The following RPP38 variants were observed in gnomAD, a reference collection of about 807,000 sequenced individuals.
RPP38 encodes the protein ribonuclease P/MRP subunit p38.
Under a neutral mutation model 1.7 loss-of-function variants are expected in RPP38, and 2 were observed. That is an observed-to-expected ratio of 1.18 (90% CI 0.48 to 3.70). RPP38 has a LOEUF of 3.70. RPP38 is among the 30% of genes most tolerant of loss of function. The pLI is 0.07. For synonymous variants in RPP38, 151 were observed against 131.8 expected (o/e 1.15, Z -1.00); for missense variants, 358 against 340.1 (o/e 1.05, Z -0.41).
chr10:15,103,563 T>C lies in RPP38; in HGVS notation c.249T>C (p.Ala83=). 1 of 1,614,078 alleles carries C rather than the reference T, an allele frequency of 6.2e-7. No homozygotes were observed. The highest frequency in any genetic ancestry group is 8.5e-7 in the Non-Finnish European group (1 of 1,180,024). The change falls in exon 3 of 3, where the codon GCT becomes GCC. Residue 83 remains alanine (A), a synonymous_variant. Transcript: ENST00000378197. The part of the protein sequence containing the change: ...KKESREKCSI[A]VDISENLKEK... Reference sequence around the variant, plus strand: ...AAAGCAGAGAGAAATGCAGCATTGCTGTTGATATTAGTGAGAATCTGAAGG... The same window carrying C: ...AAAGCAGAGAGAAATGCAGCATTGCCGTTGATATTAGTGAGAATCTGAAGG...
In RPP38 at chr10:15,104,189, A is replaced by C. The variant is rs1329559256; in HGVS notation, c.*23A>C. ...TAATCTTGCATAAACTTGTCATGTC[A>C]TACAGTTTGTGAAAGGACACCTTGT... On this transcript the variant is annotated 3_prime_UTR_variant, in exon 3 of 3. Coordinates refer to ENST00000378197, the MANE Select transcript of RPP38 (RefSeq NM_183005.5). 2 of 1,543,062 alleles carry C rather than the reference A, an allele frequency of 1.3e-6. No homozygotes were observed. The highest frequency in any genetic ancestry group is 2.5e-5 in the South Asian group (2 of 79,150).
At chr10:15,103,047 C>G (rs1280901033) in intron 2 of RPP38, 1 of 227,314 alleles carries the variant, frequency 4.4e-6, no homozygotes, top group Non-Finnish European at 8.6e-6. Context: ...GAAACATTAG[C>G]TGGGCTTGGT....
Sources: gnomAD v4.1 joint callset for allele counts on GRCh38, gnomAD v4.1.1 for gene constraint, MANE v1.5 for transcripts, NCBI Gene and HGNC (gene_info 2026-07-23, HGNC 2026-07-21) for gene names.